The following SEPTIN9 variants were observed in gnomAD, a reference collection of about 807,000 sequenced individuals.
SEPTIN9 encodes septin-9.
SEPTIN9 carries 13 observed loss-of-function variants against 56.6 expected under a neutral mutation model. The ratio of observed to expected loss-of-function variants is 0.23; its 90% CI spans 0.15 to 0.37. The LOEUF is 0.37. Ranked by LOEUF, SEPTIN9 falls within the 10% of genes least tolerant of loss-of-function variation. The probability of loss-of-function intolerance (pLI) is 1.00; values close to 1 mark genes in which losing one functional copy is unlikely to be tolerated. For missense variants in SEPTIN9, 650 were observed against 823.1 expected (o/e 0.79, Z 2.57); for synonymous variants, 332 against 334.1 (o/e 0.99, Z 0.07).
chr17:77,427,702 C>T (rs1033836884), intron 3 of SEPTIN9, among the ~76,000 whole-genome samples: 4 of 152,184 alleles, frequency 2.6e-5, no homozygotes, highest in African/African-American at 9.7e-5. Flanking sequence ...CACTCTGTGC[C>T]TGCCTGCAGG....
In SEPTIN9 at chr17:77,500,141, G is replaced by A; in HGVS notation, c.*1483G>A. 4.3e-6 allele frequency: 1 copy of A among 233,454 alleles called. No homozygotes were observed. 14.5% of individuals were successfully genotyped at this position (233,454 alleles called of 1,614,324 possible). A position where few individuals can be genotyped will look rare whatever the true frequency, so the allele number is the denominator to read the frequency against. On this transcript the variant is annotated 3_prime_UTR_variant, in exon 12 of 12. Transcript: ENST00000427177. ...GCACCGGGCTGGCTGCTTGCAGCCA[G>A]GAGAAGGTCAGCGAGAAGGAGTGTA...
At chr17:77,396,278 G>A (rs1196821837) in intron 2 of SEPTIN9, among the ~76,000 whole-genome samples, 4 of 152,232 alleles carry the variant, frequency 2.6e-5, no homozygotes, top group Admixed American at 2.6e-4. Context: ...GTGTCCTTCA[G>A]TTGCATTAAC....
rs2033183345 is a variant in SEPTIN9, at chr17:77,327,454, G to A, written c.76+20257G>A. On this transcript the variant is annotated intron_variant, in intron 2 of 11. Coordinates refer to ENST00000427177, the MANE Select transcript of SEPTIN9 (RefSeq NM_001113491.2). The surrounding 1 kb of genome is among the most constrained non-coding windows in gnomAD (Gnocchi z 5.0). ...GCAAGGGCATTGGCATAGATTCTGG[G>A]GCTGCCTTGGTTCAAGCCCACCCTG... Among the ~76,000 whole-genome samples, 1 of 152,154 alleles carries A rather than the reference G, an allele frequency of 6.6e-6. No homozygotes were observed. Among genetic ancestry groups the A allele is most frequent in the South Asian group, 2.1e-4 (1 of 4,818 alleles).
At chr17:77,385,996 G>A (rs1225656348) in intron 2 of SEPTIN9, among the ~76,000 whole-genome samples, 2 of 152,260 alleles carry the variant, frequency 1.3e-5, no homozygotes, top group South Asian at 2.1e-4. Flanking sequence ...GGGATCTTTC[G>A]GTCCAGCCCT....
intron 1 of SEPTIN9, among the ~76,000 whole-genome samples, chr17:77,302,058 T>C (rs2032076394): frequency 6.6e-6 from 1 of 152,174 alleles, no homozygotes; most frequent in Admixed American, 6.5e-5. Flanking sequence ...GGTGGGTGCA[T>C]TTCAATCATT....
intron 2 of SEPTIN9, among the ~76,000 whole-genome samples, chr17:77,325,519 G>A (rs1216113831): frequency 6.6e-6 from 1 of 152,170 alleles, no homozygotes; most frequent in African/African-American, 2.4e-5. Flanking sequence ...TCCCTACCGG[G>A]AAAGCCTGGG....
At position 77,292,989 on chromosome 17, in the gene SEPTIN9, C is replaced by CATTTATTT. The variant is rs138504683; in HGVS notation, c.19+11468_19+11475dup. Among the ~76,000 whole-genome samples, 248 of 116,368 alleles carry CATTTATTT rather than the reference C, an allele frequency of 2.1e-3. 1 individual carries two copies. Among genetic ancestry groups the CATTTATTT allele is most frequent in the African/African-American group, 2.7e-3 (99 of 36,312 alleles). 76.3% of individuals were successfully genotyped at this position (116,368 alleles called of 152,430 possible). On this transcript the variant is annotated intron_variant, in intron 1 of 11. Transcript: ENST00000427177. ...AACCAGGAAATGGAAACCGCTTGAG[C>CATTTATTT]ATTTATTTATTTATTTATTTATTTA...
chr17:77,381,120 G>C (rs1393644565), intron 2 of SEPTIN9, among the ~76,000 whole-genome samples: 2 of 152,170 alleles, frequency 1.3e-5, no homozygotes, highest in African/African-American at 2.4e-5. Context: ...TGGGGGTCCT[G>C]GCACCTCCTT....
At position 77,456,294 on chromosome 17, in the gene SEPTIN9, C is replaced by G. The variant is rs984967493; in HGVS notation, c.722-25850C>G. The G allele has an allele frequency of 6.6e-6, 1 of 152,368 alleles. No individual in the cohort carries two copies. Among genetic ancestry groups the G allele is most frequent in the Non-Finnish European group, 1.5e-5 (1 of 68,202 alleles). 9.4% of individuals were successfully genotyped at this position (152,368 alleles called of 1,614,324 possible). A position where few individuals can be genotyped will look rare whatever the true frequency, so the allele number is the denominator to read the frequency against. On this transcript the variant is annotated intron_variant, in intron 3 of 11. Coordinates refer to ENST00000427177, the MANE Select transcript of SEPTIN9 (RefSeq NM_001113491.2). This position sits in a 1 kb window ranked among gnomAD's most constrained non-coding sequence, Gnocchi z 6.0. ...GTCTCAGCCACCCAGGGTGCAGGGACGCCACACGAGGAGCAGGTGTGGTGT... is the reference window on the plus strand; with the variant it reads ...GTCTCAGCCACCCAGGGTGCAGGGAGGCCACACGAGGAGCAGGTGTGGTGT...
In SEPTIN9 at chr17:77,445,881, G is replaced by A. The variant is rs1344752146; in HGVS notation, c.722-36263G>A. 5.7e-6 allele frequency: 1 copy of A among 174,200 alleles called. No individual in the cohort carries two copies. Among genetic ancestry groups the A allele is most frequent in the East Asian group, 1.9e-4 (1 of 5,348 alleles). The allele number at this position is 174,200 out of a possible 1,614,324, so 10.8% of individuals were successfully genotyped here. On this transcript the variant is annotated intron_variant, in intron 3 of 11. Coordinates refer to ENST00000427177, the MANE Select transcript of SEPTIN9 (RefSeq NM_001113491.2). This position sits in a 1 kb window ranked among gnomAD's most constrained non-coding sequence, Gnocchi z 4.7. ...AAGGACACCTTGGGACCTTCTTTCT[G>A]ACGCCCCTTGAAGGGGGCACTTTCT...
intron 10 of SEPTIN9, among the ~76,000 whole-genome samples, chr17:77,496,875 C>T (rs1053855701): frequency 1.1e-4 from 16 of 152,352 alleles, no homozygotes; most frequent in South Asian, 2.1e-4. Context: ...ATCCCAGCTC[C>T]GATTCCTGCT....
At chr17:77,482,105 C>T in intron 3 of SEPTIN9, 39 bp from the exon 4 acceptor site, 1 of 1,525,386 alleles carries the variant, frequency 6.6e-7, no homozygotes, top group Non-Finnish European at 8.8e-7. Context: ...GTGTGTGAGC[C>T]CCTGTTCCGC....
At chr17:77,350,815 G>T (rs867233970) in intron 2 of SEPTIN9, among the ~76,000 whole-genome samples, 3 of 152,204 alleles carry the variant, frequency 2.0e-5, no homozygotes, top group African/African-American at 7.2e-5. Context: ...CAACTAGAAG[G>T]GCTGGTGGAG....
chr17:77,445,355 A>C lies in SEPTIN9; in HGVS notation c.722-36789A>C, dbSNP rs1270410006. 2.2e-6 allele frequency: 1 copy of C among 464,690 alleles called. No individual in the cohort carries two copies. The highest frequency in any genetic ancestry group is 4.4e-6 in the Non-Finnish European group (1 of 227,038). 28.8% of individuals were successfully genotyped at this position (464,690 alleles called of 1,614,324 possible). ...GGAGGGATATTGCTCTTGGCATTTG[A>C]TGGGAAGCATCTGCTGCATCCCATT... On this transcript the variant is annotated intron_variant, in intron 3 of 11. Transcript: ENST00000427177. This position sits in a 1 kb window ranked among gnomAD's most constrained non-coding sequence, Gnocchi z 4.7.
rs542249640 is a variant in SEPTIN9, at chr17:77,403,554, G to A, written c.721+851G>A. Reference sequence around the variant, plus strand: ...ATGCCAGGCTGTGGGACATGGTTGGGTCCCTTCTCAGAAGCGTGCCCCCTG... The same window carrying A: ...ATGCCAGGCTGTGGGACATGGTTGGATCCCTTCTCAGAAGCGTGCCCCCTG... On this transcript the variant is annotated intron_variant, in intron 3 of 11. Transcript: ENST00000427177. Among the ~76,000 whole-genome samples the A allele has an allele frequency of 2.1e-4, 32 of 152,288 alleles. 2 individuals are homozygous for A. In the South Asian group the frequency reaches 6.2e-3, roughly 30 times the overall value.
At chr17:77,296,830 G>A (rs897256793) in intron 1 of SEPTIN9, among the ~76,000 whole-genome samples, 6 of 152,074 alleles carry the variant, frequency 3.9e-5, no homozygotes, top group Non-Finnish European at 8.8e-5. Flanking sequence ...TCCAGCCTAG[G>A]CGACAAAGTG....
chr17:77,319,282 A>G lies in SEPTIN9; in HGVS notation c.76+12085A>G, dbSNP rs1401769132. Among the ~76,000 whole-genome samples, 1 of 152,134 alleles carries G rather than the reference A, an allele frequency of 6.6e-6. No individual in the cohort carries two copies. Among genetic ancestry groups the G allele is most frequent in the Non-Finnish European group, 1.5e-5 (1 of 68,012 alleles). On this transcript the variant is annotated intron_variant, in intron 2 of 11. Transcript: ENST00000427177. The surrounding 1 kb of genome is among the most constrained non-coding windows in gnomAD (Gnocchi z 5.3). ...TGCTGAGCCCTTGGCCTCAGCATGG[A>G]CCCTGACCATGTGCTGGTGGGGACC...
intron 2 of SEPTIN9, among the ~76,000 whole-genome samples, chr17:77,357,433 C>T (rs1472188197): frequency 1.3e-5 from 2 of 152,146 alleles, no homozygotes; most frequent in Non-Finnish European, 2.9e-5. Flanking sequence ...CAGCCATCAC[C>T]TAGATTCTAC....
At chr17:77,486,532 G>A (rs913006268) in intron 4 of SEPTIN9, among the ~76,000 whole-genome samples, 10 of 74,598 alleles carry the variant, frequency 1.3e-4, no homozygotes, top group East Asian at 1.2e-3. Flanking sequence ...GCGCGCACGC[G>A]CGCGCGTGTT....
Sources: allele counts gnomAD v4.1 joint callset (sites outside exome capture counted in the v4.1 genomes callset), GRCh38; gene constraint gnomAD v4.1.1; non-coding constraint Gnocchi (gnomAD v3.1); transcripts MANE v1.5; gene names NCBI Gene and HGNC (gene_info 2026-07-23, HGNC 2026-07-21).